ST6GALNAC3: variants seen among roughly 807,000 people sequenced by gnomAD.
The protein encoded by ST6GALNAC3 is alpha-N-acetylgalactosaminide alpha-2,6-sialyltransferase 3.
Under a neutral mutation model 32.7 loss-of-function variants are expected in ST6GALNAC3, and 25 were observed. That is an observed-to-expected ratio of 0.76 (90% CI 0.56 to 1.07). The LOEUF (loss-of-function observed/expected upper bound fraction) is 1.07, where lower values mean the gene tolerates loss of function less well. ST6GALNAC3 is among the 50% of genes least tolerant of loss of function. The probability of loss-of-function intolerance (pLI) is 0.00; values close to 1 mark genes in which losing one functional copy is unlikely to be tolerated. For missense variants in ST6GALNAC3, 355 were observed against 382.4 expected (o/e 0.93, Z 0.60); for synonymous variants, 129 against 133.1 (o/e 0.97, Z 0.21).
intron 3 of ST6GALNAC3, among the ~76,000 whole-genome samples, chr1:76,567,566 C>T (rs1665627422): frequency 1.3e-5 from 2 of 152,218 alleles, no homozygotes; most frequent in Non-Finnish European, 2.9e-5. Flanking sequence ...TATGCAGCCA[C>T]TTCACCAGAT....
Position 76,127,954 on chromosome 1 carries a change from T to G in ST6GALNAC3, c.18+53070T>G, listed in dbSNP as rs77466509. 8.7e-3 allele frequency among the ~76,000 whole-genome samples: 1,318 copies of G among 152,226 alleles called. 21 individuals are homozygous for G. The highest frequency in any genetic ancestry group is 0.031 in the African/African-American group (1,273 of 41,518). ...ATCTTCTGCTATTCTCCCTATGTTC[T>G]TTTTCCTTCCTCTGCTTGATGTTCC... On this transcript the variant is annotated intron_variant, in intron 1 of 4. Transcript: ENST00000328299.
At chr1:76,172,037 GAA>G (rs1652550555) in intron 1 of ST6GALNAC3, among the ~76,000 whole-genome samples, 2 of 151,798 alleles carry the variant, frequency 1.3e-5, no homozygotes, top group South Asian at 4.2e-4. Context: ...AACAAAAAAA[GAA>G]AACTACAGGC....
At chr1:76,605,961 C>T (rs1185264978) in intron 3 of ST6GALNAC3, among the ~76,000 whole-genome samples, 1 of 132,790 alleles carries the variant, frequency 7.5e-6, no homozygotes, top group Non-Finnish European at 1.6e-5. Context: ...ATGTAAAAAA[C>T]AGTTCAACAT....
intron 1 of ST6GALNAC3, among the ~76,000 whole-genome samples, chr1:76,080,014 A>C (rs1411742576): frequency 6.6e-6 from 1 of 152,208 alleles, no homozygotes; most frequent in Non-Finnish European, 1.5e-5. Context: ...GCGGCCTTCC[A>C]GTGTTTACTG....
chr1:76,178,190 G>T (rs1652963259), intron 1 of ST6GALNAC3, among the ~76,000 whole-genome samples: 1 of 152,208 alleles, frequency 6.6e-6, no homozygotes, highest in South Asian at 2.1e-4. Context: ...AACCACACAG[G>T]AGAATAAACA....
At chr1:76,416,486 A>G (rs1654633876) in intron 3 of ST6GALNAC3, among the ~76,000 whole-genome samples, 1 of 152,144 alleles carries the variant, frequency 6.6e-6, no homozygotes, top group Non-Finnish European at 1.5e-5. Flanking sequence ...GATTCATGAT[A>G]GGAAAATGAT....
chr1:76,544,079 TTATATA>T (rs3086266), intron 3 of ST6GALNAC3, among the ~76,000 whole-genome samples: 62 of 145,506 alleles, frequency 4.3e-4, no homozygotes, highest in African/African-American at 1.4e-3. Context: ...TTAATTACAT[TTATATA>T]TATATATATA....
chr1:76,318,629 A>G (rs1046834809), intron 2 of ST6GALNAC3, among the ~76,000 whole-genome samples: 3 of 152,154 alleles, frequency 2.0e-5, no homozygotes, highest in African/African-American at 7.2e-5. Flanking sequence ...AAAAATGACA[A>G]TGTGGAGATT....
In ST6GALNAC3 at chr1:76,457,750, T is replaced by C. The variant is rs886982605; in HGVS notation, c.623+45333T>C. On this transcript the variant is annotated intron_variant, in intron 3 of 4. Transcript: ENST00000328299. The stretch of plus-strand genomic sequence containing the variant: ...AAATTAATTCAAGCTGGATTAAAGA[T>C]TTAAACGTTAGACCTAAAACCATAA... Among the ~76,000 whole-genome samples, 89 of 152,156 alleles carry C rather than the reference T, an allele frequency of 5.8e-4. 1 individual carries two copies. The highest frequency in any genetic ancestry group is 1.8e-3 in the African/African-American group (74 of 41,498).
At chr1:76,424,677 T>A (rs549676359) in intron 3 of ST6GALNAC3, among the ~76,000 whole-genome samples, 158 of 152,134 alleles carry the variant, frequency 1.0e-3, no homozygotes, top group African/African-American at 3.5e-3. Flanking sequence ...AGTTAATGTT[T>A]GTGATTAAAA....
chr1:76,147,760 A>G (rs1650782110), intron 1 of ST6GALNAC3, among the ~76,000 whole-genome samples: 1 of 152,062 alleles, frequency 6.6e-6, no homozygotes, highest in Admixed American at 6.6e-5. Flanking sequence ...GAGCCTTCTC[A>G]GTTTCATCTC....
At chr1:76,220,923 C>T (rs1466766152) in intron 1 of ST6GALNAC3, among the ~76,000 whole-genome samples, 1 of 152,200 alleles carries the variant, frequency 6.6e-6, no homozygotes, top group Non-Finnish European at 1.5e-5. Flanking sequence ...GGTGCATAGT[C>T]TGATATTTCC....
intron 2 of ST6GALNAC3, among the ~76,000 whole-genome samples, chr1:76,314,895 T>C (rs1466158264): frequency 6.6e-6 from 1 of 152,082 alleles, no homozygotes; most frequent in African/African-American, 2.4e-5. Context: ...TACTAGAGGG[T>C]AGAGTCATGC....
At chr1:76,269,633 AG>A (rs1451736756) in intron 1 of ST6GALNAC3, among the ~76,000 whole-genome samples, 2 of 152,238 alleles carry the variant, frequency 1.3e-5, no homozygotes, top group African/African-American at 2.4e-5. Flanking sequence ...TTCATTTGGT[AG>A]GTATCCAGTT....
chr1:76,244,538 G>C (rs764643290), intron 1 of ST6GALNAC3, among the ~76,000 whole-genome samples: 11 of 152,174 alleles, frequency 7.2e-5, no homozygotes, highest in Non-Finnish European at 1.2e-4. Flanking sequence ...TTTTGAAAGA[G>C]AATGCTTCCA....
At chr1:76,125,182 A>G (rs561670751) in intron 1 of ST6GALNAC3, among the ~76,000 whole-genome samples, 1 of 152,334 alleles carries the variant, frequency 6.6e-6, no homozygotes, top group Non-Finnish European at 1.5e-5. Context: ...GACCAGGAGC[A>G]GCCAACAAGG....
At chr1:76,492,056 G>A (rs1660535140) in intron 3 of ST6GALNAC3, among the ~76,000 whole-genome samples, 1 of 152,160 alleles carries the variant, frequency 6.6e-6, no homozygotes, top group Non-Finnish European at 1.5e-5. Context: ...AGCATATATT[G>A]TTATTCCTGT....
intron 1 of ST6GALNAC3, among the ~76,000 whole-genome samples, chr1:76,238,564 G>A (rs891532959): frequency 6.6e-6 from 1 of 152,178 alleles, no homozygotes; most frequent in Non-Finnish European, 1.5e-5. Context: ...CTGAGGAGAT[G>A]GATGATGCAG....
chr1:76,186,206 T>C (rs1311477651), intron 1 of ST6GALNAC3, among the ~76,000 whole-genome samples: 3 of 152,170 alleles, frequency 2.0e-5, no homozygotes, highest in Non-Finnish European at 4.4e-5. Context: ...AGTGTGTGAA[T>C]GGCAGTCAGA....
Sources: allele counts gnomAD v4.1 joint callset (sites outside exome capture counted in the v4.1 genomes callset), GRCh38; gene constraint gnomAD v4.1.1; transcripts MANE v1.5; gene names NCBI Gene and HGNC (gene_info 2026-07-23, HGNC 2026-07-21).